Variants in PDCD2L observed in about 807,000 individuals in gnomAD.
PDCD2L encodes programmed cell death 2 like, also known as uS5 assembly chaperone PDCD2L.
Under a neutral mutation model 40.4 loss-of-function variants are expected in PDCD2L, and 44 were observed. The ratio of observed to expected loss-of-function variants is 1.09; its 90% CI spans 0.86 to 1.40. The LOEUF (loss-of-function observed/expected upper bound fraction) is 1.40. Among genes scored for constraint, PDCD2L ranks in the 40% most tolerant of loss-of-function variants. PDCD2L has a pLI of 0.00. For missense variants in PDCD2L, 470 were observed against 453.7 expected (o/e 1.04, Z -0.33); for synonymous variants, 194 against 174.6 (o/e 1.11, Z -0.88).
intron 5 of PDCD2L, among the ~76,000 whole-genome samples, chr19:34,417,034 A>C (rs929654303): frequency 6.6e-6 from 1 of 152,044 alleles, no homozygotes; most frequent in African/African-American, 2.4e-5. Flanking sequence ...GAATCGCTTG[A>C]ACCTGGGAGG....
chr19:34,416,944 T>A (rs1335833673), intron 5 of PDCD2L, among the ~76,000 whole-genome samples: 1 of 151,966 alleles, frequency 6.6e-6, no homozygotes, highest in Admixed American at 6.6e-5. Context: ...TGAAACCCTG[T>A]CTCTACTAAA....
chr19:34,417,865 A>G (rs1326100959), intron 5 of PDCD2L, among the ~76,000 whole-genome samples: 2 of 152,240 alleles, frequency 1.3e-5, no homozygotes, highest in Non-Finnish European at 2.9e-5. Flanking sequence ...ATGAAATAAG[A>G]ACTAAATATG....
intron 5 of PDCD2L, among the ~76,000 whole-genome samples, chr19:34,420,620 T>C (rs971722389): frequency 1.3e-5 from 2 of 151,648 alleles, no homozygotes; most frequent in African/African-American, 4.8e-5. Context: ...AGACCCTGTC[T>C]CTACAAATTT....
In PDCD2L at chr19:34,404,853, C is replaced by G. The variant is rs73926774; in HGVS notation, c.275+38C>G. ...GTCCCAGAGCTGCTCCAGGGGTGTC[C>G]TTTCCAGCGGGCTGGGGCGGGCCGG... On this transcript the variant is annotated intron_variant, in intron 2 of 6. Transcript: ENST00000246535. The G allele has an allele frequency of 6.0e-4, 969 of 1,606,662 alleles. 3 individuals carry two copies. The African/African-American group carries it at 0.012, about 20-fold the overall frequency.
chr19:34,419,927 C>T (rs1470721030), intron 5 of PDCD2L, among the ~76,000 whole-genome samples: 1 of 151,398 alleles, frequency 6.6e-6, no homozygotes, highest in African/African-American at 2.4e-5. Context: ...GGACCACAGG[C>T]GTGCACCACT....
intron 2 of PDCD2L, 24 bp from the exon 3 acceptor site, chr19:34,404,906 C>G (rs752265644): frequency 6.9e-5 from 111 of 1,613,646 alleles, no homozygotes; most frequent in Non-Finnish European, 9.0e-5. Context: ...GCAGCCCTCA[C>G]GGCCCTTTGT....
intron 3 of PDCD2L, among the ~76,000 whole-genome samples, chr19:34,407,145 A>T (rs2075080451): frequency 7.4e-6 from 1 of 134,280 alleles, no homozygotes. Flanking sequence ...CTCACTCCAG[A>T]TTTTTTTTTT....
chr19:34,417,556 C>T (rs945491133), intron 5 of PDCD2L, among the ~76,000 whole-genome samples: 7 of 151,084 alleles, frequency 4.6e-5, no homozygotes, highest in South Asian at 2.1e-4. Flanking sequence ...TGCAGTCGAC[C>T]GAGACTGCGC....
At position 34,409,423 on chromosome 19, in the gene PDCD2L, A is replaced by T. The variant is rs774590180; in HGVS notation, c.599A>T (p.Asp200Val). 2.5e-6 allele frequency: 4 copies of T among 1,614,098 alleles called. No individual in the cohort carries two copies. In the South Asian group the frequency reaches 3.3e-5, roughly 13 times the overall value. The change falls in exon 4 of 7, where the codon GAC becomes GTC. Residue 200 changes from aspartate (D) to valine (V), a missense_variant. Physicochemically the swap from Asp to Val is radical, Grantham distance 152. Coordinates refer to ENST00000246535, the MANE Select transcript of PDCD2L (RefSeq NM_032346.2). ...ICVADEDDYRDFVNLDHAHSL... is the reference protein window; with the variant it reads ...ICVADEDDYRVFVNLDHAHSL... The stretch of plus-strand genomic sequence containing the variant: ...GTTGCAGATGAGGATGATTACAGGG[A>T]CTTTGTCAACCTGGATCATGCCCAC...
intron 6 of PDCD2L, among the ~76,000 whole-genome samples, chr19:34,424,804 G>A (rs965131290): frequency 6.8e-6 from 1 of 147,366 alleles, no homozygotes; most frequent in Non-Finnish European, 1.5e-5. Context: ...GAGTGCAGTG[G>A]CACAATCTCT....
At position 34,413,797 on chromosome 19, in the gene PDCD2L, G is replaced by A. The variant is rs144477856; in HGVS notation, c.747G>A (p.Thr249=). 4.2e-5 allele frequency: 67 copies of A among 1,608,812 alleles called. No individual in the cohort carries two copies. The South Asian group carries it at 4.9e-4, about 12-fold the overall frequency. ...EKTIIKSGDQ[T]FYKFMKRIAA... ...CCATAATTAAAAGTGGAGATCAGACGTTTTACAAATTCATGAAGCGAATTG... is the reference window on the plus strand; with the variant it reads ...CCATAATTAAAAGTGGAGATCAGACATTTTACAAATTCATGAAGCGAATTG... The change falls in exon 5 of 7, where the codon ACG becomes ACA. Residue 249 remains threonine, a synonymous_variant. Coordinates refer to ENST00000246535, the MANE Select transcript of PDCD2L (RefSeq NM_032346.2).
At chr19:34,420,061 T>C (rs931664472) in intron 5 of PDCD2L, among the ~76,000 whole-genome samples, 10 of 152,124 alleles carry the variant, frequency 6.6e-5, no homozygotes, top group African/African-American at 2.4e-4. Context: ...CTCAGTTCAC[T>C]GCAACCTCTG....
intron 4 of PDCD2L, among the ~76,000 whole-genome samples, chr19:34,411,272 C>G (rs1241791076): frequency 8.1e-6 from 1 of 124,000 alleles, no homozygotes; most frequent in Non-Finnish European, 1.6e-5. Flanking sequence ...GACAGTCTTG[C>G]TCTGTTGCCC....
In PDCD2L at chr19:34,413,717, T is replaced by G. The variant is rs758058747; in HGVS notation, c.687-20T>G. 7.3e-7 allele frequency: 1 copy of G among 1,371,634 alleles called. No individual in the cohort carries two copies. The highest frequency in any genetic ancestry group is 1.4e-5 in the African/African-American group (1 of 69,002). 85.0% of individuals were successfully genotyped at this position (1,371,634 alleles called of 1,614,324 possible). A position where few individuals can be genotyped will look rare whatever the true frequency, so the allele number is the denominator to read the frequency against. The stretch of plus-strand genomic sequence containing the variant: ...TTCTGGATATAGACATTCAAAAGTG[T>G]TTTCTGCTTCTGTTTTTAGCCTTCC... On this transcript the variant is annotated intron_variant, in intron 4 of 6. Coordinates refer to ENST00000246535, the MANE Select transcript of PDCD2L (RefSeq NM_032346.2).
chr19:34,409,848 A>G (rs2075094241), intron 4 of PDCD2L, among the ~76,000 whole-genome samples: 2 of 152,184 alleles, frequency 1.3e-5, no homozygotes, highest in Non-Finnish European at 2.9e-5. Flanking sequence ...GATCTGGGAT[A>G]ATAAGATTGG....
chr19:34,422,625 A>G (rs2145473366), intron 6 of PDCD2L, among the ~76,000 whole-genome samples: 1 of 152,324 alleles, frequency 6.6e-6, no homozygotes, highest in African/African-American at 2.4e-5. Flanking sequence ...AAATTCACTA[A>G]TATGGTAATT....
At chr19:34,405,955 A>G (rs1335399705) in intron 3 of PDCD2L, among the ~76,000 whole-genome samples, 1 of 152,134 alleles carries the variant, frequency 6.6e-6, no homozygotes. Context: ...AGTCTGGGCA[A>G]CATAGCAAAA....
At chr19:34,406,861 T>C (rs1473565143) in intron 3 of PDCD2L, among the ~76,000 whole-genome samples, 1 of 145,582 alleles carries the variant, frequency 6.9e-6, no homozygotes, top group African/African-American at 2.6e-5. Context: ...AGACCGAGTT[T>C]CGCTCTTGTT....
At chr19:34,404,846 G>C (rs749329025) in intron 2 of PDCD2L, 31 bp downstream of exon 2, 41 of 1,605,918 alleles carry the variant, frequency 2.6e-5, no homozygotes, top group South Asian at 3.3e-5. Flanking sequence ...GCTGCTCCAG[G>C]GGTGTCCTTT....
Sources: allele counts gnomAD v4.1 joint callset (sites outside exome capture counted in the v4.1 genomes callset), GRCh38; gene constraint gnomAD v4.1.1; transcripts MANE v1.5; gene names NCBI Gene and HGNC (gene_info 2026-07-23, HGNC 2026-07-21).